RSU1: variants seen among roughly 807,000 people sequenced by gnomAD.
The protein encoded by RSU1 is rsu-1.
A neutral mutation model predicts 31.1 loss-of-function variants in RSU1; 26 were observed. The observed-to-expected ratio is 0.84, with a 90% CI of 0.61 to 1.16. RSU1 has a LOEUF of 1.16. Among genes scored for constraint, RSU1 ranks in the 50% most tolerant of loss-of-function variants. The pLI is 0.00. For missense variants in RSU1, 320 were observed against 339.1 expected (o/e 0.94, Z 0.44); for synonymous variants, 164 against 136.3 (o/e 1.20, Z -1.41).
intron 8 of RSU1, among the ~76,000 whole-genome samples, chr10:16,688,487 C>T (rs1206654138): frequency 3.3e-5 from 5 of 152,104 alleles, no homozygotes; most frequent in Admixed American, 2.0e-4. Flanking sequence ...CGAGCGCCTG[C>T]AGTCCCAGCC....
chr10:16,739,466 C>CTTTTT lies in RSU1; in HGVS notation c.598+13068_598+13072dup, dbSNP rs35664560. Reference sequence around the variant, plus strand: ...TTTGCAAGAAATGTACATTTTCTTCCTTTTTTTTTTTTTTTTTTTTTTGAG... The same window carrying CTTTTT: ...TTTGCAAGAAATGTACATTTTCTTCCTTTTTTTTTTTTTTTTTTTTTTTTTTTGAG... On this transcript the variant is annotated intron_variant, in intron 7 of 8. Transcript: ENST00000345264. Among the ~76,000 whole-genome samples the CTTTTT allele has an allele frequency of 1.3e-3, 126 of 94,232 alleles. 2 individuals are homozygous for CTTTTT. The highest frequency in any genetic ancestry group is 3.3e-3 in the African/African-American group (78 of 23,552). 61.8% of individuals were successfully genotyped at this position (94,232 alleles called of 152,430 possible).
chr10:16,814,451 G>A (rs1456863352), intron 2 of RSU1, among the ~76,000 whole-genome samples: 68 of 121,166 alleles, frequency 5.6e-4, no homozygotes, highest in Non-Finnish European at 6.5e-4. Context: ...CTGTTTTCAG[G>A]AAAAAAAAAA....
chr10:16,672,627 T>A (rs1490203501), intron 8 of RSU1, among the ~76,000 whole-genome samples: 1 of 151,620 alleles, frequency 6.6e-6, no homozygotes, highest in Admixed American at 6.6e-5. Flanking sequence ...TTTTTTTAAA[T>A]AGAGTACACA....
At chr10:16,647,593 C>T (rs1358650423) in intron 8 of RSU1, among the ~76,000 whole-genome samples, 1 of 152,152 alleles carries the variant, frequency 6.6e-6, no homozygotes, top group Non-Finnish European at 1.5e-5. Flanking sequence ...TATGGTATGA[C>T]TCCATTTATA....
intron 7 of RSU1, among the ~76,000 whole-genome samples, chr10:16,751,299 C>A (rs1836974462): frequency 6.6e-6 from 1 of 152,182 alleles, no homozygotes; most frequent in African/African-American, 2.4e-5. Context: ...TTGAGTTGCT[C>A]CTCAGCCCTT....
intron 8 of RSU1, among the ~76,000 whole-genome samples, chr10:16,647,185 G>C (rs182849462): frequency 7.6e-6 from 1 of 131,008 alleles, no homozygotes; most frequent in Admixed American, 7.7e-5. Flanking sequence ...TGTTGGCCAG[G>C]ATAGCCTCAA....
chr10:16,639,689 A>C (rs1043978316), intron 8 of RSU1, among the ~76,000 whole-genome samples: 1 of 152,240 alleles, frequency 6.6e-6, no homozygotes, highest in Non-Finnish European at 1.5e-5. Context: ...TTTCATCTGC[A>C]GCCAAATCAC....
At chr10:16,643,763 T>G (rs1182111905) in intron 8 of RSU1, among the ~76,000 whole-genome samples, 1 of 151,756 alleles carries the variant, frequency 6.6e-6, no homozygotes, top group Non-Finnish European at 1.5e-5. Flanking sequence ...AAAGGGTCGC[T>G]GTTAAGGCTA....
chr10:16,598,360 G>A (rs1295607192), intron 8 of RSU1, among the ~76,000 whole-genome samples: 1 of 151,634 alleles, frequency 6.6e-6, no homozygotes, highest in African/African-American at 2.4e-5. Context: ...GCCATACAGG[G>A]AGACCCTATC....
At chr10:16,619,668 T>A (rs137971864) in intron 8 of RSU1, among the ~76,000 whole-genome samples, 147 of 152,342 alleles carry the variant, frequency 9.6e-4, no homozygotes, top group African/African-American at 3.3e-3. Flanking sequence ...GAGCCTAGAC[T>A]TATGGACACA....
In RSU1 at chr10:16,777,586, A is replaced by G. The variant is rs187070289; in HGVS notation, c.160+4448T>C. Among the ~76,000 whole-genome samples the G allele has an allele frequency of 7.6e-3, 1,161 of 152,344 alleles. 7 individuals carry two copies. The highest frequency in any genetic ancestry group is 0.011 in the Non-Finnish European group (771 of 68,032). On this transcript the variant is annotated intron_variant, in intron 3 of 8. Transcript: ENST00000345264. Reference sequence around the variant, plus strand: ...CAAAGGTGGTTTCTAATCTTTAGGTACAAAACCTGGAGGAGACATATGTGT... The same window carrying G: ...CAAAGGTGGTTTCTAATCTTTAGGTGCAAAACCTGGAGGAGACATATGTGT...
chr10:16,812,834 G>T (rs1322184227), intron 2 of RSU1, among the ~76,000 whole-genome samples: 8 of 152,126 alleles, frequency 5.3e-5, no homozygotes, highest in Non-Finnish European at 1.0e-4. Flanking sequence ...CTGGGATTCT[G>T]TCTCTATGGA....
intron 7 of RSU1, among the ~76,000 whole-genome samples, chr10:16,732,069 C>A (rs1307794181): frequency 6.6e-6 from 1 of 151,956 alleles, no homozygotes; most frequent in African/African-American, 2.4e-5. Flanking sequence ...TTCCACCAAA[C>A]TGATGCCTCA....
chr10:16,606,189 ATTCCT>A (rs1833801534), intron 8 of RSU1, among the ~76,000 whole-genome samples: 1 of 152,356 alleles, frequency 6.6e-6, no homozygotes, highest in African/African-American at 2.4e-5. Flanking sequence ...ATTCTACTAA[ATTCCT>A]TTAAGATACA....
rs1157306538 is a variant in RSU1 at position 16,737,562 on chromosome 10, T to G, written c.598+14977A>C. Among the ~76,000 whole-genome samples the G allele has an allele frequency of 2.6e-5, 4 of 151,950 alleles. No homozygotes were observed. The East Asian group carries it at 7.7e-4, about 29-fold the overall frequency. Reference sequence around the variant, plus strand: ...AATATTTCAGATAAACAAAAGCTAATTAATGACCAAAAAGAACTGTACTAC... The same window carrying G: ...AATATTTCAGATAAACAAAAGCTAAGTAATGACCAAAAAGAACTGTACTAC... On this transcript the variant is annotated intron_variant, in intron 7 of 8. Transcript: ENST00000345264.
At chr10:16,803,830 TC>T (rs2131674054) in intron 2 of RSU1, among the ~76,000 whole-genome samples, 2 of 152,218 alleles carry the variant, frequency 1.3e-5, no homozygotes, top group Admixed American at 1.3e-4. Context: ...AAAAATGAAC[TC>T]CAAATGAATC....
At chr10:16,632,519 G>A (rs1271613118) in intron 8 of RSU1, among the ~76,000 whole-genome samples, 1 of 152,134 alleles carries the variant, frequency 6.6e-6, no homozygotes, top group Non-Finnish European at 1.5e-5. Flanking sequence ...GGAAAGTTAT[G>A]GTTGAAAGCT....
rs560943230 is a variant in RSU1 at position 16,602,015 on chromosome 10, G to C, written c.732-8519C>G. 5.3e-5 allele frequency among the ~76,000 whole-genome samples: 8 copies of C among 152,284 alleles called. No homozygotes were observed. In the East Asian group the frequency reaches 1.4e-3, roughly 26 times the overall value. ...TCACTCAATCTGAGGCCTGAGATAAGCCTTTCCTGACAGCCAACATTCCTT... is the reference window on the plus strand; with the variant it reads ...TCACTCAATCTGAGGCCTGAGATAACCCTTTCCTGACAGCCAACATTCCTT... On this transcript the variant is annotated intron_variant, in intron 8 of 8. Transcript: ENST00000345264.
intron 8 of RSU1, among the ~76,000 whole-genome samples, chr10:16,669,491 AAGCC>A (rs1450861659): frequency 6.6e-6 from 1 of 152,180 alleles, no homozygotes. Context: ...AGGGAAAGCC[AAGCC>A]AATGTCTTCT....
Sources: gnomAD v4.1 joint callset for allele counts (sites outside exome capture counted in the v4.1 genomes callset) on GRCh38, gnomAD v4.1.1 for gene constraint, MANE v1.5 for transcripts, NCBI Gene and HGNC (gene_info 2026-07-23, HGNC 2026-07-21) for gene names.